The following HAO1 variants were observed in gnomAD, a reference collection of about 807,000 sequenced individuals.
HAO1 encodes the protein hydroxyacid oxidase 1, also known as 2-Hydroxyacid oxidase 1.
HAO1 carries 34 observed loss-of-function variants against 39.7 expected under a neutral mutation model. The ratio of observed to expected loss-of-function variants is 0.86; its 90% CI spans 0.65 to 1.14. The LOEUF (loss-of-function observed/expected upper bound fraction) is 1.14. Ranked by LOEUF, HAO1 falls within the 50% of genes most tolerant of loss-of-function variation. The pLI, the probability that HAO1 is intolerant of heterozygous loss-of-function variation, is 0.00. For missense variants in HAO1, 479 were observed against 464.5 expected, an observed-to-expected ratio of 1.03 and a Z score of -0.29; for synonymous variants, 172 against 173.2, an observed-to-expected ratio of 0.99 and a Z score of 0.05.
chr20:7,896,218 AT>A (rs2122757715), intron 4 of HAO1, among the ~76,000 whole-genome samples: 1 of 152,312 alleles, frequency 6.6e-6, no homozygotes, highest in African/African-American at 2.4e-5. Context: ...CTAAACTATT[AT>A]TTTTAGCATG....
Position 7,908,803 on chromosome 20 carries a change from A to G in HAO1, c.546-2474T>C, listed in dbSNP as rs75347653. 6.0e-3 allele frequency among the ~76,000 whole-genome samples: 911 copies of G among 152,282 alleles called. 12 individuals carry two copies. The highest frequency in any genetic ancestry group is 0.02 in the African/African-American group (822 of 41,544). The stretch of plus-strand genomic sequence containing the variant: ...ACCACTTAGGATTGTACATTATATC[A>G]TAGTCCTTGGTCTTCTATGGTCACC... On this transcript the variant is annotated intron_variant, in intron 3 of 7. Transcript: ENST00000378789.
chr20:7,925,003 CTG>C (rs760513882), intron 2 of HAO1, among the ~76,000 whole-genome samples: 1 of 152,176 alleles, frequency 6.6e-6, no homozygotes, highest in Admixed American at 6.6e-5. Flanking sequence ...GTTTGTATAA[CTG>C]TGCACCATAA....
intron 4 of HAO1, among the ~76,000 whole-genome samples, chr20:7,903,876 T>TAGC (rs1568512962): frequency 1.1e-3 from 142 of 129,256 alleles, no homozygotes; most frequent in African/African-American, 3.7e-3. Flanking sequence ...GTGGTGGTGG[T>TAGC]GGTGGTGGTG....
chr20:7,912,821 C>T (rs1328321382), intron 3 of HAO1, among the ~76,000 whole-genome samples: 1 of 152,128 alleles, frequency 6.6e-6, no homozygotes, highest in Non-Finnish European at 1.5e-5. Context: ...TTGGTCTAAT[C>T]CTGGTGCCAC....
At chr20:7,907,080 G>T (rs1286271647) in intron 3 of HAO1, among the ~76,000 whole-genome samples, 1 of 152,202 alleles carries the variant, frequency 6.6e-6, no homozygotes, top group Non-Finnish European at 1.5e-5. Flanking sequence ...TATTGCAGTA[G>T]TGATGGTGGT....
chr20:7,907,685 C>G (rs1216797246), intron 3 of HAO1, among the ~76,000 whole-genome samples: 2 of 152,156 alleles, frequency 1.3e-5, no homozygotes, highest in African/African-American at 2.4e-5. Flanking sequence ...TAACTCACCT[C>G]TAAGATTCTG....
At chr20:7,936,640 A>G (rs974192503) in intron 1 of HAO1, among the ~76,000 whole-genome samples, 4 of 151,854 alleles carry the variant, frequency 2.6e-5, no homozygotes, top group African/African-American at 9.7e-5. Context: ...CCATCTCCAG[A>G]CAGTGGCTTT....
chr20:7,914,482 T>C (rs963754262), intron 2 of HAO1, 63 bp from the exon 3 acceptor site: 2 of 1,570,836 alleles, frequency 1.3e-6, no homozygotes, highest in African/African-American at 1.4e-5. Flanking sequence ...AACCTTTGAA[T>C]TGTAGTTGGA....
intron 7 of HAO1, 43 bp from the exon 8 acceptor site, chr20:7,883,706 A>C (rs1237435851): frequency 7.7e-7 from 1 of 1,304,332 alleles, no homozygotes; most frequent in Non-Finnish European, 1.1e-6. Context: ...TGAATGCAAT[A>C]ATAATCAGGC....
At chr20:7,915,199 C>T (rs2050301321) in intron 2 of HAO1, among the ~76,000 whole-genome samples, 1 of 152,118 alleles carries the variant, frequency 6.6e-6, no homozygotes, top group African/African-American at 2.4e-5. Flanking sequence ...TTTGGTGAAA[C>T]ATGTCTGAAT....
intron 2 of HAO1, among the ~76,000 whole-genome samples, chr20:7,919,685 T>C (rs2122783170): frequency 6.6e-6 from 1 of 152,276 alleles, no homozygotes; most frequent in South Asian, 2.1e-4. Flanking sequence ...ACTGGGGCAA[T>C]GTTTCTGAAC....
chr20:7,917,397 TGA>T (rs2050311935), intron 2 of HAO1, among the ~76,000 whole-genome samples: 1 of 135,506 alleles, frequency 7.4e-6, no homozygotes, highest in South Asian at 2.3e-4. Flanking sequence ...CACACAGAAA[TGA>T]GCAACAAAGT....
chr20:7,905,812 A>G (rs1429743570), intron 4 of HAO1, among the ~76,000 whole-genome samples: 1 of 152,166 alleles, frequency 6.6e-6, no homozygotes, highest in East Asian at 1.9e-4. Flanking sequence ...TTGGTCTGAG[A>G]GCAACTGTTG....
In HAO1 at chr20:7,885,833, A is replaced by G. The variant is rs1348179923; in HGVS notation, c.845T>C (p.Val282Ala). The G allele has an allele frequency of 6.2e-7, 1 of 1,613,644 alleles. No homozygotes were observed. The highest frequency in any genetic ancestry group is 8.5e-7 in the Non-Finnish European group (1 of 1,179,654). Reference sequence around the variant, plus strand: ...CAGGAAGACTTCCACCTTCCCTTCCACAGCCTCCACAATTTCTGGCAGAAC... The same window carrying G: ...CAGGAAGACTTCCACCTTCCCTTCCGCAGCCTCCACAATTTCTGGCAGAAC... ...IDVLPEIVEA[V>A]EGKVEVFLDG... The change falls in exon 6 of 8, where the codon GTG becomes GCG. Residue 282 changes from valine to alanine, a missense_variant. By Grantham distance (64) the Val-to-Ala change is moderately conservative. Transcript: ENST00000378789.
intron 3 of HAO1, among the ~76,000 whole-genome samples, chr20:7,906,642 T>C (rs749403548): frequency 6.6e-6 from 1 of 152,198 alleles, no homozygotes; most frequent in Non-Finnish European, 1.5e-5. Context: ...TTTATGGATA[T>C]AGACAATAGA....
At chr20:7,904,204 T>C (rs1468204337) in intron 4 of HAO1, among the ~76,000 whole-genome samples, 1 of 152,194 alleles carries the variant, frequency 6.6e-6, no homozygotes, top group Non-Finnish European at 1.5e-5. Flanking sequence ...TTTTCTAATT[T>C]AATTATACCT....
At chr20:7,926,863 C>CTT (rs34738743) in intron 2 of HAO1, among the ~76,000 whole-genome samples, 1,481 of 145,950 alleles carry the variant, frequency 0.01, 22 homozygotes, top group African/African-American at 0.033. Context: ...TCTTTTAAAA[C>CTT]TTTTTTTTTT....
intron 4 of HAO1, among the ~76,000 whole-genome samples, chr20:7,903,816 C>T (rs2050234186): frequency 1.8e-5 from 2 of 109,888 alleles, no homozygotes; most frequent in Admixed American, 1.1e-4. Flanking sequence ...TGGTGGGTGG[C>T]AGCAGTGCTG....
chr20:7,914,535 A>T, intron 2 of HAO1, 116 bp from the exon 3 acceptor site: 1 of 1,066,146 alleles, frequency 9.4e-7, no homozygotes, highest in Admixed American at 2.4e-5. Flanking sequence ...ATATGAAGTC[A>T]AATCTCTTAA....
Sources: gnomAD v4.1 joint callset for allele counts (sites outside exome capture counted in the v4.1 genomes callset) on GRCh38, gnomAD v4.1.1 for gene constraint, MANE v1.5 for transcripts, NCBI Gene and HGNC (gene_info 2026-07-23, HGNC 2026-07-21) for gene names.